The following ERICH6B variants were observed in gnomAD, a reference collection of about 807,000 sequenced individuals.
The protein encoded by ERICH6B is glutamate rich 6B.
Under a neutral mutation model 80.0 loss-of-function variants are expected in ERICH6B, and 69 were observed. The ratio of observed to expected loss-of-function variants is 0.86; its 90% confidence interval spans 0.71 to 1.05. The LOEUF (loss-of-function observed/expected upper bound fraction) is 1.05, where lower values mean the gene tolerates loss of function less well. Among genes scored for constraint, ERICH6B ranks in the 50% least tolerant of loss-of-function variants. ERICH6B has a pLI of 0.00. For synonymous variants in ERICH6B, 283 were observed against 291.9 expected, an observed-to-expected ratio of 0.97 and a Z score of 0.31; for missense variants, 754 against 796.1, an observed-to-expected ratio of 0.95 and a Z score of 0.64.
chr13:45,582,363 T>C (rs1875710849), intron 5 of ERICH6B, among the ~76,000 whole-genome samples: 1 of 152,252 alleles, frequency 6.6e-6, no homozygotes, highest in African/African-American at 2.4e-5. Flanking sequence ...TGTTGAATTA[T>C]TGAGCTTGTG....
At chr13:45,588,300 C>T (rs1395274687) in intron 4 of ERICH6B, among the ~76,000 whole-genome samples, 1 of 152,140 alleles carries the variant, frequency 6.6e-6, no homozygotes, top group Non-Finnish European at 1.5e-5. Context: ...TCTGAGGGAT[C>T]AGTAGGGGAG....
chr13:45,554,059 T>C (rs1361033265), intron 11 of ERICH6B, among the ~76,000 whole-genome samples: 1 of 152,204 alleles, frequency 6.6e-6, no homozygotes, highest in Non-Finnish European at 1.5e-5. Context: ...TTAGTCCCCA[T>C]GATGTACAAT....
intron 3 of ERICH6B, among the ~76,000 whole-genome samples, chr13:45,592,980 C>T (rs909520105): frequency 1.3e-5 from 2 of 152,186 alleles, no homozygotes; most frequent in East Asian, 3.8e-4. Context: ...GGTCTAGACT[C>T]CACCGTGTGC....
chr13:45,600,289 T>G (rs775620524), intron 2 of ERICH6B, among the ~76,000 whole-genome samples: 9 of 152,134 alleles, frequency 5.9e-5, no homozygotes, highest in Non-Finnish European at 1.2e-4. Flanking sequence ...TTGACCAAAC[T>G]CCAGTCAGGC....
intron 2 of ERICH6B, among the ~76,000 whole-genome samples, chr13:45,606,543 ATATATTTTTTTTTTTTTT>A: frequency 9.0e-5 from 1 of 11,066 alleles, no homozygotes; most frequent in East Asian, 3.0e-3. Flanking sequence ...ATATATATAT[ATATATTTTTTTTTTTTTT>A]TTTTTTTTTG....
intron 11 of ERICH6B, among the ~76,000 whole-genome samples, chr13:45,556,477 T>A (rs2094115): frequency 0.42 from 64,549 of 151,910 alleles, 14,192 homozygotes; most frequent in East Asian, 0.66. Context: ...TGGTTATTTG[T>A]GAGATTTGGG....
chr13:45,600,292 A>G (rs1404514160), intron 2 of ERICH6B, among the ~76,000 whole-genome samples: 1 of 152,212 alleles, frequency 6.6e-6, no homozygotes, highest in Non-Finnish European at 1.5e-5. Context: ...ACCAAACTCC[A>G]GTCAGGCTCC....
chr13:45,544,155 C>A (rs1873897226), intron 14 of ERICH6B, among the ~76,000 whole-genome samples: 1 of 152,190 alleles, frequency 6.6e-6, no homozygotes, highest in Non-Finnish European at 1.5e-5. Flanking sequence ...TCACTGCAAC[C>A]TCCGTCTCCC....
chr13:45,555,727 T>C (rs1247055775), intron 11 of ERICH6B, among the ~76,000 whole-genome samples: 1 of 151,834 alleles, frequency 6.6e-6, no homozygotes, highest in African/African-American at 2.4e-5. Context: ...TCAAAAGAAA[T>C]ACAAGGCTCA....
chr13:45,606,528 TATATATATA>T (rs1949864022), intron 2 of ERICH6B, among the ~76,000 whole-genome samples: 1 of 35,464 alleles, frequency 2.8e-5, no homozygotes, highest in African/African-American at 1.0e-4. Flanking sequence ...TATATATATA[TATATATATA>T]TATATATATA....
chr13:45,611,431 C>T (rs1949899270), intron 1 of ERICH6B, among the ~76,000 whole-genome samples: 1 of 152,208 alleles, frequency 6.6e-6, no homozygotes, highest in African/African-American at 2.4e-5. Context: ...AAGAAGCTTT[C>T]ACACAAAGCA....
chr13:45,588,964 AGGACCTTC>A (rs1876043898), intron 4 of ERICH6B, among the ~76,000 whole-genome samples: 1 of 152,076 alleles, frequency 6.6e-6, no homozygotes, highest in South Asian at 2.1e-4. Context: ...ATGTGCCTGG[AGGACCTTC>A]GGTAAGTGGG....
intron 4 of ERICH6B, among the ~76,000 whole-genome samples, chr13:45,588,973 G>A (rs189195805): frequency 3.9e-5 from 6 of 152,082 alleles, no homozygotes; most frequent in Admixed American, 6.5e-5. Context: ...GAGGACCTTC[G>A]GTAAGTGGGG....
chr13:45,592,597 G>T (rs548476208), intron 3 of ERICH6B, among the ~76,000 whole-genome samples: 1 of 152,182 alleles, frequency 6.6e-6, no homozygotes, highest in Non-Finnish European at 1.5e-5. Flanking sequence ...TATATCAAAA[G>T]ATTAGGCAAA....
At chr13:45,566,927 G>A (rs926152342) in intron 9 of ERICH6B, among the ~76,000 whole-genome samples, 1 of 152,236 alleles carries the variant, frequency 6.6e-6, no homozygotes, top group African/African-American at 2.4e-5. Context: ...GCTCATGAAA[G>A]CATCTGGGAG....
chr13:45,572,633 C>T (rs1273511921), intron 8 of ERICH6B, among the ~76,000 whole-genome samples: 1 of 152,002 alleles, frequency 6.6e-6, no homozygotes, highest in African/African-American at 2.4e-5. Context: ...ACTACCTGCA[C>T]ATAAAAAATG....
At chr13:45,574,489 GTC>G (rs1875297355) in intron 8 of ERICH6B, among the ~76,000 whole-genome samples, 1 of 152,170 alleles carries the variant, frequency 6.6e-6, no homozygotes, top group Admixed American at 6.5e-5. Flanking sequence ...CTGGTTCTGT[GTC>G]TCTCTGCAGG....
intron 2 of ERICH6B, among the ~76,000 whole-genome samples, chr13:45,602,848 A>G (rs1356894475): frequency 6.6e-6 from 1 of 152,208 alleles, no homozygotes; most frequent in Admixed American, 6.5e-5. Flanking sequence ...GCATTATTGC[A>G]ATTACCTTCT....
At chr13:45,574,206 T>C (rs1875286012) in intron 8 of ERICH6B, among the ~76,000 whole-genome samples, 2 of 152,170 alleles carry the variant, frequency 1.3e-5, no homozygotes, top group South Asian at 4.1e-4. Context: ...TTCTTAGCAA[T>C]CGAGAACACA....
Sources: gnomAD v4.1 joint callset for allele counts (sites outside exome capture counted in the v4.1 genomes callset) on GRCh38, gnomAD v4.1.1 for gene constraint, MANE v1.5 for transcripts, NCBI Gene and HGNC (gene_info 2026-07-23, HGNC 2026-07-21) for gene names.